Variants in SF3A3 observed in about 807,000 individuals in gnomAD.
The protein encoded by SF3A3 is SAP 61.
A neutral mutation model predicts 85.8 loss-of-function variants in SF3A3; 9 were observed. That is an observed-to-expected ratio of 0.10 (90% CI 0.06 to 0.18). The LOEUF (loss-of-function observed/expected upper bound fraction) is 0.18, where lower values mean the gene tolerates loss of function less well. Among genes scored for constraint, SF3A3 ranks in the 10% least tolerant of loss-of-function variants. SF3A3 has a pLI of 1.00. For synonymous variants in SF3A3, 195 were observed against 204.4 expected (o/e 0.95, Z 0.39); for missense variants, 306 against 593.3 (o/e 0.52, Z 5.03).
chr1:37,959,240 C>T (rs987161226), intron 16 of SF3A3, among the ~76,000 whole-genome samples: 24 of 151,912 alleles, frequency 1.6e-4, no homozygotes, highest in East Asian at 5.8e-4. Context: ...CACCACTCCC[C>T]GCTAATTATT....
intron 4 of SF3A3, among the ~76,000 whole-genome samples, chr1:37,986,961 C>T (rs572209040): frequency 1.7e-4 from 26 of 152,112 alleles, no homozygotes; most frequent in Non-Finnish European, 2.9e-4. Flanking sequence ...ACCAACCCAA[C>T]GGGGAGCCAT....
intron 12 of SF3A3, among the ~76,000 whole-genome samples, chr1:37,976,509 A>G (rs914635259): frequency 2.0e-5 from 3 of 152,192 alleles, no homozygotes; most frequent in Non-Finnish European, 4.4e-5. Flanking sequence ...ATGCCTTTTC[A>G]TAAGTCATAA....
rs554507209 is a variant in SF3A3, at chr1:37,957,003, A to T, written c.*1183T>A. ...TTTTAAAAAGTAGATTTATTAAAAA[A>T]CAGTTGAAGGTCTGAGTGTTGAGAG... On this transcript the variant is annotated 3_prime_UTR_variant, in exon 17 of 17. Transcript: ENST00000373019. 12 of 152,336 alleles carry T rather than the reference A, an allele frequency of 7.9e-5. No homozygotes were observed. Among genetic ancestry groups the T allele is most frequent in the African/African-American group, 2.9e-4 (12 of 41,580 alleles). The allele number at this position is 152,336 out of a possible 1,614,324, so 9.4% of individuals were successfully genotyped here. A position where few individuals can be genotyped will look rare whatever the true frequency, so the allele number is the denominator to read the frequency against.
At chr1:37,979,433 A>G in intron 9 of SF3A3, 32 bp downstream of exon 9, 1 of 1,525,980 alleles carries the variant, frequency 6.6e-7, no homozygotes, top group Non-Finnish European at 9.1e-7. Context: ...AAATAGACAG[A>G]GAGAACACTA....
At position 37,980,726 on chromosome 1, in the gene SF3A3, T is replaced by C; in HGVS notation, c.552-2A>G. On this transcript the variant is annotated splice_acceptor_variant, in intron 7 of 16. Coordinates refer to ENST00000373019, the MANE Select transcript of SF3A3 (RefSeq NM_006802.4). LOFTEE classifies it high-confidence loss of function. ...TACTCAAGCAGCATCTCTAGGTATC[T>C]ACAGAGGAACACACAATGCAGACAA... 1 of 1,611,148 alleles carries C rather than the reference T, an allele frequency of 6.2e-7. No individual in the cohort carries two copies. The highest frequency in any genetic ancestry group is 8.5e-7 in the Non-Finnish European group (1 of 1,177,914).
At position 37,957,375 on chromosome 1, in the gene SF3A3, T is replaced by TCCCCCCC. The variant is rs779665930; in HGVS notation, c.*804_*810dup. 3 of 100,556 alleles carry TCCCCCCC rather than the reference T, an allele frequency of 3.0e-5. No individual in the cohort carries two copies. The highest frequency in any genetic ancestry group is 1.1e-4 in the Admixed American group (1 of 9,284). The allele number at this position is 100,556 out of a possible 1,614,324, so 6.2% of individuals were successfully genotyped here. ...CAGGCCCATTCCAACACAGCCCAAC[T>TCCCCCCC]CCCCCCCCCCCCCCTTTTTTTTTTT... On this transcript the variant is annotated 3_prime_UTR_variant, in exon 17 of 17. Transcript: ENST00000373019.
At position 37,980,577 on chromosome 1, in the gene SF3A3, G is replaced by A. The variant is rs1232777094; in HGVS notation, c.690+9C>T. 2 of 1,613,278 alleles carry A rather than the reference G, an allele frequency of 1.2e-6. No homozygotes were observed. ...GCATGTCCACCATTCACATCCCACT[G>A]AAGCTCACCGGCCATCCAGGAAAGG... On this transcript the variant is annotated intron_variant, in intron 8 of 16. Coordinates refer to ENST00000373019, the MANE Select transcript of SF3A3 (RefSeq NM_006802.4).
rs1258189544 is a variant in SF3A3, at chr1:37,957,099, G to C, written c.*1087C>G. On this transcript the variant is annotated 3_prime_UTR_variant, in exon 17 of 17. Coordinates refer to ENST00000373019, the MANE Select transcript of SF3A3 (RefSeq NM_006802.4). ...TTCAGATGACTGTGCTTATAAGGCA[G>C]ATCAGTGCCTTCCTGGTTGCCTTAG... The C allele has an allele frequency of 1.3e-5, 2 of 152,202 alleles. No homozygotes were observed. Among genetic ancestry groups the C allele is most frequent in the East Asian group, 1.9e-4 (1 of 5,202 alleles). The allele number at this position is 152,202 out of a possible 1,614,324, so 9.4% of individuals were successfully genotyped here.
At chr1:37,962,150 G>T (rs917587087) in intron 15 of SF3A3, among the ~76,000 whole-genome samples, 2 of 150,936 alleles carry the variant, frequency 1.3e-5, no homozygotes, top group African/African-American at 4.9e-5. Context: ...TTCAAGCCCA[G>T]GTAATATGCA....
intron 16 of SF3A3, among the ~76,000 whole-genome samples, chr1:37,959,056 C>T (rs1254720899): frequency 6.6e-6 from 1 of 152,024 alleles, no homozygotes; most frequent in African/African-American, 2.4e-5. Context: ...TGGGTACTCC[C>T]ACTTGCCATT....
Position 37,963,989 on chromosome 1 carries a change from G to T in SF3A3, c.1373-3814C>A, listed in dbSNP as rs541333162. 2.6e-3 allele frequency among the ~76,000 whole-genome samples: 394 copies of T among 150,916 alleles called. 1 individual carries two copies. Among genetic ancestry groups the T allele is most frequent in the Non-Finnish European group, 4.0e-3 (273 of 67,790 alleles). On this transcript the variant is annotated intron_variant, in intron 15 of 16. Transcript: ENST00000373019. ...GAGGTCAGAGATCAAGACCATCTTG[G>T]CCAGCATGGTGAAACCCCATCCCTA...
intron 11 of SF3A3, among the ~76,000 whole-genome samples, chr1:37,977,800 C>T (rs1172783961): frequency 6.6e-6 from 1 of 152,072 alleles, no homozygotes; most frequent in Admixed American, 6.6e-5. Flanking sequence ...GATTGCGCCA[C>T]TGCACTTGAG....
chr1:37,987,157 C>T (rs1646463231), intron 4 of SF3A3, among the ~76,000 whole-genome samples: 1 of 152,198 alleles, frequency 6.6e-6, no homozygotes, highest in Non-Finnish European at 1.5e-5. Flanking sequence ...CGGCTCACTG[C>T]AACCTCCACC....
intron 15 of SF3A3, among the ~76,000 whole-genome samples, chr1:37,961,957 T>G (rs1163574705): frequency 2.0e-5 from 3 of 150,846 alleles, no homozygotes; most frequent in Non-Finnish European, 4.4e-5. Flanking sequence ...TGGTGGTGCA[T>G]GCCTGTAATC....
chr1:37,989,848 C>T (rs1173701814), intron 1 of SF3A3, 22 bp downstream of exon 1: 1 of 1,579,822 alleles, frequency 6.3e-7, no homozygotes, highest in African/African-American at 1.3e-5. Context: ...CCTGCCGCAG[C>T]CTCTGCTCAG....
chr1:37,981,715 C>G lies in SF3A3; in HGVS notation c.551+14G>C. 1 of 1,452,256 alleles carries G rather than the reference C, an allele frequency of 6.9e-7. No homozygotes were observed. 90.0% of individuals were successfully genotyped at this position (1,452,256 alleles called of 1,614,324 possible). On this transcript the variant is annotated intron_variant, in intron 7 of 16. Transcript: ENST00000373019. ...ATCAAATCCAGGAGAGGCCTAGAAA[C>G]TATTAATGCCTACCTCTTATACTCT...
intron 7 of SF3A3, among the ~76,000 whole-genome samples, chr1:37,980,945 G>A (rs1364091616): frequency 6.8e-6 from 1 of 146,856 alleles, no homozygotes; most frequent in East Asian, 2.0e-4. Context: ...CGCCTCCCGG[G>A]TTAAAGCGAT....
intron 12 of SF3A3, 126 bp downstream of exon 12, chr1:37,976,758 G>T: frequency 1.5e-6 from 1 of 686,856 alleles, no homozygotes; most frequent in Non-Finnish European, 2.6e-6. Flanking sequence ...TCTATTTTGT[G>T]CCATACTAGT....
chr1:37,966,478 A>G (rs1368826565), intron 15 of SF3A3, among the ~76,000 whole-genome samples: 1 of 152,152 alleles, frequency 6.6e-6, no homozygotes, highest in Admixed American at 6.6e-5. Flanking sequence ...TCATTATTTA[A>G]CACATTAAAA....
Sources: gnomAD v4.1 joint callset for allele counts (sites outside exome capture counted in the v4.1 genomes callset) on GRCh38, gnomAD v4.1.1 for gene constraint, MANE v1.5 for transcripts, NCBI Gene and HGNC (gene_info 2026-07-23, HGNC 2026-07-21) for gene names.